Variants in PPP1R12B observed in about 807,000 individuals in gnomAD.
The protein encoded by PPP1R12B is myosin phosphatase target subunit 2.
Under a neutral mutation model 126.1 loss-of-function variants are expected in PPP1R12B, and 76 were observed. The ratio of observed to expected loss-of-function variants is 0.60; its 90% confidence interval spans 0.50 to 0.73. PPP1R12B has a LOEUF of 0.73. Ranked by LOEUF, PPP1R12B falls within the 30% of genes least tolerant of loss-of-function variation. PPP1R12B has a pLI of 0.00. For missense variants in PPP1R12B, 1,052 were observed against 1,205.1 expected, an observed-to-expected ratio of 0.87 and a Z score of 1.88; for synonymous variants, 356 against 434.7, an observed-to-expected ratio of 0.82 and a Z score of 2.25.
At chr1:202,359,145 A>T (rs1057122897) in intron 1 of PPP1R12B, among the ~76,000 whole-genome samples, 3 of 148,496 alleles carry the variant, frequency 2.0e-5, no homozygotes, top group Admixed American at 1.4e-4. Context: ...ATATCACATA[A>T]TTTTTTTTTT....
intron 1 of PPP1R12B, among the ~76,000 whole-genome samples, chr1:202,408,236 C>T (rs948009536): frequency 3.9e-5 from 6 of 152,220 alleles, no homozygotes; most frequent in Middle Eastern, 3.4e-3. Flanking sequence ...ACAGGGACCT[C>T]ATCAATTAGT....
At chr1:202,387,866 G>A (rs1051677681) in intron 1 of PPP1R12B, among the ~76,000 whole-genome samples, 3 of 152,222 alleles carry the variant, frequency 2.0e-5, no homozygotes, top group East Asian at 1.9e-4. Context: ...TACCTTTAAA[G>A]CAAGTCTTTG....
Position 202,562,925 on chromosome 1 carries a change from A to AG in PPP1R12B, c.2652+6dup. 2 of 1,561,126 alleles carry AG rather than the reference A, an allele frequency of 1.3e-6. No homozygotes were observed. Among genetic ancestry groups the AG allele is most frequent in the Middle Eastern group, 1.7e-4 (1 of 5,764 alleles). On this transcript the variant is annotated splice_donor_region_variant and intron_variant, in intron 20 of 23. Coordinates refer to ENST00000608999, the MANE Select transcript of PPP1R12B (RefSeq NM_002481.4). ...ACAGCAACAGAGATTATAAAAAAGT[A>AG]GGGTCTTTATTCAATTTTCCGGTTC...
rs568830568 is a variant in PPP1R12B at position 202,437,951 on chromosome 1, G to A, written c.1385G>A (p.Arg462Lys). The A allele has an allele frequency of 1.1e-4, 185 of 1,613,948 alleles. No homozygotes were observed. In the African/African-American group the frequency reaches 1.7e-3, roughly 15 times the overall value. ...GTGGCCAATTCCAGGGAACCTATAAGGGACCGAGGCTCTTCCATCTATCGC... is the reference window on the plus strand; with the variant it reads ...GTGGCCAATTCCAGGGAACCTATAAAGGACCGAGGCTCTTCCATCTATCGC... ...SEVANSREPI[R>K]DRGSSIYRSS... Residue 462 changes from arginine to lysine, a missense_variant, in exon 10 of 24, where the codon AGG becomes AAG. Physicochemically the swap from Arg to Lys is conservative, Grantham distance 26. Coordinates refer to ENST00000608999, the MANE Select transcript of PPP1R12B (RefSeq NM_002481.4).
intron 13 of PPP1R12B, among the ~76,000 whole-genome samples, chr1:202,454,334 A>C (rs577593734): frequency 6.6e-6 from 1 of 152,338 alleles, no homozygotes; most frequent in Admixed American, 6.5e-5. Flanking sequence ...AAATAAGTGC[A>C]TTTTAGGAAT....
At chr1:202,465,453 C>G (rs188076819) in intron 13 of PPP1R12B, among the ~76,000 whole-genome samples, 126 of 152,280 alleles carry the variant, frequency 8.3e-4, no homozygotes, top group Middle Eastern at 3.4e-3. Context: ...AACTTGCTAG[C>G]CTCTCTGAAA....
intron 18 of PPP1R12B, among the ~76,000 whole-genome samples, chr1:202,557,829 A>T (rs768403925): frequency 3.9e-5 from 6 of 152,206 alleles, no homozygotes; most frequent in Non-Finnish European, 7.3e-5. Flanking sequence ...GACTCTATTC[A>T]GTCCTCTTTA....
intron 13 of PPP1R12B, among the ~76,000 whole-genome samples, chr1:202,483,543 A>G (rs935885733): frequency 6.6e-6 from 1 of 152,132 alleles, no homozygotes; most frequent in Non-Finnish European, 1.5e-5. Context: ...GTGACTCAGG[A>G]TGACTCAGGT....
chr1:202,522,215 A>G lies in PPP1R12B; in HGVS notation c.2490+25393A>G, dbSNP rs541450827. Reference sequence around the variant, plus strand: ...GATGTTCTTCAGTAAAGAGAAAAATAAATGCAGAAAGAAGTGGAATACTAA... The same window carrying G: ...GATGTTCTTCAGTAAAGAGAAAAATGAATGCAGAAAGAAGTGGAATACTAA... On this transcript the variant is annotated intron_variant, in intron 18 of 23. Transcript: ENST00000608999. Among the ~76,000 whole-genome samples the G allele has an allele frequency of 2.6e-4, 40 of 152,274 alleles. 1 individual carries two copies. In the South Asian group the frequency reaches 7.7e-3, roughly 29 times the overall value.
At chr1:202,572,714 C>A (rs1342930502) in intron 23 of PPP1R12B, among the ~76,000 whole-genome samples, 3 of 152,224 alleles carry the variant, frequency 2.0e-5, no homozygotes, top group Non-Finnish European at 4.4e-5. Flanking sequence ...TCTCCCCTTC[C>A]TTTCCTAGGT....
intron 18 of PPP1R12B, among the ~76,000 whole-genome samples, chr1:202,499,940 G>A (rs1223584293): frequency 6.6e-6 from 1 of 152,202 alleles, no homozygotes; most frequent in Non-Finnish European, 1.5e-5. Flanking sequence ...TGACCTGTTA[G>A]AATGGCTGTT....
intron 18 of PPP1R12B, among the ~76,000 whole-genome samples, chr1:202,549,304 A>C (rs1027207034): frequency 2.6e-5 from 4 of 151,812 alleles, no homozygotes; most frequent in Non-Finnish European, 1.5e-5. Flanking sequence ...TGTTCCTTCC[A>C]TTATCACCTT....
intron 18 of PPP1R12B, chr1:202,502,926 G>A (rs1009728405): frequency 6.6e-6 from 1 of 152,148 alleles, no homozygotes; most frequent in African/African-American, 2.4e-5. Context: ...TGGCTACAGT[G>A]GAATGTGCAA....
chr1:202,384,460 A>G (rs1219905293), intron 1 of PPP1R12B, among the ~76,000 whole-genome samples: 1 of 152,258 alleles, frequency 6.6e-6, no homozygotes, highest in Non-Finnish European at 1.5e-5. Context: ...ACAATAGGCT[A>G]CATATTATAT....
At chr1:202,502,534 G>A (rs1680343750) in intron 18 of PPP1R12B, 1 of 898,078 alleles carries the variant, frequency 1.1e-6, no homozygotes, top group Non-Finnish European at 1.3e-6. Flanking sequence ...TTATGATCAA[G>A]CACTTTTCTA....
chr1:202,537,617 AAG>A (rs1187974555), intron 18 of PPP1R12B, among the ~76,000 whole-genome samples: 1 of 152,218 alleles, frequency 6.6e-6, no homozygotes, highest in Non-Finnish European at 1.5e-5. Context: ...AAAAGAGACA[AAG>A]AGGCCAGTTT....
intron 21 of PPP1R12B, among the ~76,000 whole-genome samples, chr1:202,566,052 T>TA (rs1188677697): frequency 6.6e-6 from 1 of 152,202 alleles, no homozygotes; most frequent in Admixed American, 6.5e-5. Flanking sequence ...TACAGAAAAT[T>TA]AAAGAGCAGT....
chr1:202,568,650 G>C (rs1024660600), intron 22 of PPP1R12B, among the ~76,000 whole-genome samples: 3 of 152,174 alleles, frequency 2.0e-5, no homozygotes, highest in African/African-American at 7.2e-5. Context: ...AGCAACTACA[G>C]GGGGAGGGAA....
intron 1 of PPP1R12B, among the ~76,000 whole-genome samples, chr1:202,382,490 C>CA (rs753837011): frequency 0.022 from 2,734 of 122,718 alleles, 43 homozygotes; most frequent in Non-Finnish European, 0.032. Flanking sequence ...AATAAAAAGG[C>CA]AAAAAAAAAA....
Sources: allele counts gnomAD v4.1 joint callset (sites outside exome capture counted in the v4.1 genomes callset), GRCh38; gene constraint gnomAD v4.1.1; transcripts MANE v1.5; gene names NCBI Gene and HGNC (gene_info 2026-07-23, HGNC 2026-07-21).